The following PTOV1 variants were observed in gnomAD, a reference collection of about 807,000 sequenced individuals.
PTOV1 encodes the protein prostate tumor-overexpressed gene 1 protein.
A neutral mutation model predicts 58.0 loss-of-function variants in PTOV1; 20 were observed. That is an observed-to-expected ratio of 0.34 (90% confidence interval 0.24 to 0.50). The LOEUF is 0.50. Among genes scored for constraint, PTOV1 ranks in the 20% least tolerant of loss-of-function variants. The pLI is 0.98. For missense variants in PTOV1, 593 were observed against 565.4 expected, an observed-to-expected ratio of 1.05 and a Z score of -0.50; for synonymous variants, 335 against 234.2, an observed-to-expected ratio of 1.43 and a Z score of -3.93.
intron 9 of PTOV1, 140 bp from the exon 10 acceptor site, chr19:49,858,409 G>A (rs2074578185): frequency 1.4e-6 from 1 of 727,888 alleles, no homozygotes; most frequent in South Asian, 1.7e-5. Context: ...GGCTGGTTGA[G>A]CGGTGGAGAT....
At chr19:49,857,880 T>C (rs773837074) in intron 7 of PTOV1, 24 bp from the exon 8 acceptor site, 3 of 1,612,908 alleles carry the variant, frequency 1.9e-6, no homozygotes, top group Non-Finnish European at 2.5e-6. Flanking sequence ...CCCTGAGGGC[T>C]CCTCTTTGCC....
intron 10 of PTOV1, 46 bp downstream of exon 10, chr19:49,858,699 G>C: frequency 6.7e-7 from 1 of 1,503,274 alleles, no homozygotes; most frequent in Admixed American, 1.9e-5. Context: ...CCAGGGCAGA[G>C]CGAGCCCGGA....
At chr19:49,859,993 G>C in exon 11 of PTOV1, 1 of 1,614,126 alleles carries the variant, frequency 6.2e-7, no homozygotes, top group Non-Finnish European at 8.5e-7. Context: ...CAGGCCGGCT[G>C]CGTGCACTTT....
At chr19:49,851,051 C>G, upstream of PTOV1, 1 of 1,501,584 alleles carries the variant, frequency 6.7e-7, no homozygotes, top group Non-Finnish European at 8.9e-7. Context: ...GACCGCCGAG[C>G]CCACACTCCG....
upstream of PTOV1, chr19:49,851,062 C>G: frequency 6.7e-7 from 1 of 1,483,492 alleles, no homozygotes; most frequent in Non-Finnish European, 8.9e-7. Context: ...CCACACTCCG[C>G]TCCCGCCCGG....
At chr19:49,853,708 G>A (rs2074349318) in intron 1 of PTOV1, among the ~76,000 whole-genome samples, 1 of 152,186 alleles carries the variant, frequency 6.6e-6, no homozygotes, top group African/African-American at 2.4e-5. Context: ...TTCTCTTGGT[G>A]TTCTACATGT....
chr19:49,854,415 C>T (rs1337404982), exon 2 of PTOV1: 12 of 1,610,070 alleles, frequency 7.5e-6, no homozygotes, highest in South Asian at 1.1e-5. Flanking sequence ...GGAAGGTGCT[C>T]GGGTCTTCGG....
rs1353435452 is a variant in PTOV1, at chr19:49,851,695, C to G, written c.171+196C>G. The G allele has an allele frequency of 5.6e-5, 56 of 998,048 alleles. No individual in the cohort carries two copies. The East Asian group carries it at 7.6e-4, about 14-fold the overall frequency. 61.8% of individuals were successfully genotyped at this position (998,048 alleles called of 1,614,324 possible). On this transcript the variant is annotated intron_variant, in intron 1 of 11. Transcript: ENST00000391842. ...CGCGCTCTCCCCTTTGTTGCGCGTT[C>G]GGGCCGGGGTGGGGGGTTGGGGGAC...
At chr19:49,858,102 G>C in exon 9 of PTOV1, 1 of 1,613,532 alleles carries the variant, frequency 6.2e-7, no homozygotes, top group Non-Finnish European at 8.5e-7. Context: ...AGCTCATCCC[G>C]CAGCAGCTGC....
At chr19:49,851,317 C>A in exon 1 of PTOV1, 1 of 1,056,996 alleles carries the variant, frequency 9.5e-7, no homozygotes, top group Non-Finnish European at 1.1e-6. Flanking sequence ...GCCCGCTCGG[C>A]CCGCGCCCGC....
chr19:49,858,678 G>C (rs1454082511), intron 10 of PTOV1, 25 bp downstream of exon 10: 1 of 1,559,772 alleles, frequency 6.4e-7, no homozygotes, highest in East Asian at 2.4e-5. Flanking sequence ...CAGACGCAGG[G>C]GAGGGGCCGG....
Position 49,854,644 on chromosome 19 carries a change from C to T in PTOV1, c.310-8C>T, listed in dbSNP as rs748573000. 16 of 1,613,298 alleles carry T rather than the reference C, an allele frequency of 9.9e-6. No homozygotes were observed. The Admixed American group carries it at 2.3e-4, about 24-fold the overall frequency. On this transcript the variant is annotated splice_polypyrimidine_tract_variant and splice_region_variant and intron_variant, in intron 2 of 11. Transcript: ENST00000391842. ...CTGTGCACAGTGACGCCCCTCCTGC[C>T]CCCACAGAAGCGCAGACCCTACTCT...
chr19:49,858,460 G>T, intron 9 of PTOV1, 89 bp from the exon 10 acceptor site: 1 of 1,033,590 alleles, frequency 9.7e-7, no homozygotes, highest in Non-Finnish European at 1.4e-6. Context: ...GTCTCAGTTT[G>T]GTCCTGGGCC....
chr19:49,858,011 C>T, intron 8 of PTOV1, 34 bp downstream of exon 8: 2 of 1,613,178 alleles, frequency 1.2e-6, no homozygotes, highest in Admixed American at 1.7e-5. Context: ...AGGCAGCATC[C>T]AGGGGAGCTG....
chr19:49,852,135 TAC>T, intron 1 of PTOV1: 2 of 948,690 alleles, frequency 2.1e-6, no homozygotes, highest in Non-Finnish European at 1.3e-6. Flanking sequence ...CCGTAAGGTT[TAC>T]CTGGGGCTGT....
chr19:49,859,735 G>C (rs916259020), intron 10 of PTOV1: 12 of 552,676 alleles, frequency 2.2e-5, no homozygotes, highest in Non-Finnish European at 3.9e-5. Context: ...ACACAGCCTG[G>C]CCTGCCCAGG....
At chr19:49,850,736 G>A, upstream of PTOV1, 4 of 957,910 alleles carry the variant, frequency 4.2e-6, no homozygotes, top group Non-Finnish European at 6.0e-6. Flanking sequence ...CAAACCTTCA[G>A]CTGTCTCAGG....
At position 49,860,412 on chromosome 19, in the gene PTOV1, C is replaced by A. The variant is rs564614169; in HGVS notation, c.*133C>A. ...GGGTGGGGTTGGGAAAGAAGCAGGG[C>A]GACCTTGGCCTTGGGGAGAGCAGAG... On this transcript the variant is annotated 3_prime_UTR_variant, in exon 12 of 12. Transcript: ENST00000391842. The A allele has an allele frequency of 3.0e-6, 4 of 1,342,502 alleles. No individual in the cohort carries two copies. The South Asian group carries it at 4.2e-5, about 14-fold the overall frequency. 83.2% of individuals were successfully genotyped at this position (1,342,502 alleles called of 1,614,324 possible).
intron 5 of PTOV1, chr19:49,856,706 T>C (rs2074483287): frequency 2.4e-6 from 1 of 421,926 alleles, no homozygotes; most frequent in Non-Finnish European, 4.3e-6. Context: ...CAGGGGGTGA[T>C]GTGGGTGGGA....
Sources: allele counts gnomAD v4.1 joint callset (sites outside exome capture counted in the v4.1 genomes callset), GRCh38; gene constraint gnomAD v4.1.1; transcripts MANE v1.5; gene names NCBI Gene and HGNC (gene_info 2026-07-23, HGNC 2026-07-21).